The following FLI1 variants were observed in gnomAD, a reference collection of about 807,000 sequenced individuals.
FLI1 encodes Fli-1 proto-oncogene, ETS transcription factor.
In FLI1, 13 loss-of-function variants were observed where a neutral mutation model predicts 53.1. The observed-to-expected ratio is 0.24, with a 90% confidence interval of 0.16 to 0.39. The LOEUF is 0.39. Ranked by LOEUF, FLI1 falls within the 10% of genes least tolerant of loss-of-function variation. The pLI, the probability that FLI1 is intolerant of heterozygous loss-of-function variation, is 1.00. For missense variants in FLI1, 424 were observed against 600.5 expected (o/e 0.71, Z 3.07); for synonymous variants, 244 against 236.7 (o/e 1.03, Z -0.28).
chr11:128,724,247 G>C (rs2135741312), intron 1 of FLI1, among the ~76,000 whole-genome samples: 1 of 152,204 alleles, frequency 6.6e-6, no homozygotes, highest in East Asian at 1.9e-4. Flanking sequence ...GCCTGGCCTG[G>C]AGTTGATTTT....
rs564476686 is a variant in FLI1, at chr11:128,694,307, G to C, written c.18+31G>C. 3.0e-6 allele frequency: 4 copies of C among 1,337,512 alleles called. No homozygotes were observed. The South Asian group carries it at 6.5e-5, about 22-fold the overall frequency. The allele number at this position is 1,337,512 out of a possible 1,614,324, so 82.9% of individuals were successfully genotyped here. A position where few individuals can be genotyped will look rare whatever the true frequency, so the allele number is the denominator to read the frequency against. ...CGGCGGGGCAACGGACGCGGGCGGC[G>C]GGGACCGGCCGGGGAGGCGAAGCGG... On this transcript the variant is annotated intron_variant, in intron 1 of 8. Coordinates refer to ENST00000527786, the MANE Select transcript of FLI1 (RefSeq NM_002017.5).
chr11:128,767,297 C>T (rs186790229), intron 2 of FLI1, among the ~76,000 whole-genome samples: 27 of 152,326 alleles, frequency 1.8e-4, no homozygotes, highest in African/African-American at 6.0e-4. Flanking sequence ...TGCCACAGGG[C>T]CACCACCTCT....
chr11:128,719,604 G>T (rs190921878), intron 1 of FLI1, among the ~76,000 whole-genome samples: 11 of 152,224 alleles, frequency 7.2e-5, no homozygotes, highest in East Asian at 3.9e-4. Context: ...GAAGGGCAAC[G>T]GAGACTTACT....
rs1410339111 is a variant in FLI1, at chr11:128,812,848, A to AGGGAAAATGG, written c.*1860_*1861insGGGAAAATGG. The AGGGAAAATGG allele has an allele frequency of 4.3e-5, 5 of 115,774 alleles. No homozygotes were observed. The highest frequency in any genetic ancestry group is 8.9e-5 in the African/African-American group (3 of 33,664). 7.2% of individuals were successfully genotyped at this position (115,774 alleles called of 1,614,324 possible). On this transcript the variant is annotated 3_prime_UTR_variant, in exon 9 of 9. Transcript: ENST00000527786. ...GACTTTATGGCTCATGCAGATTTTT[A>AGGGAAAATGG]AGGTCATTTTTCTTCCCAAGGAAGA...
At chr11:128,686,156 T>G (rs1297087728), upstream of FLI1, 1 of 358,720 alleles carries the variant, frequency 2.8e-6, no homozygotes, top group African/African-American at 2.1e-5. Context: ...AGCAGGTCTG[T>G]GCACTGAGGG....
intron 1 of FLI1, among the ~76,000 whole-genome samples, chr11:128,687,097 C>A (rs1865818322): frequency 6.6e-6 from 1 of 152,234 alleles, no homozygotes; most frequent in Admixed American, 6.5e-5. Context: ...TGCATGCGTG[C>A]GCCTGTTTGC....
In FLI1 at chr11:128,773,038, C is replaced by A. The variant is rs373345320; in HGVS notation, c.589+53C>A. ...GGGAGGAAGCTTGGCATGGAGCCAA[C>A]CCAGGGAGAGGAAGTCAGTGCTGCC... On this transcript the variant is annotated intron_variant, in intron 4 of 8. Transcript: ENST00000527786. 23 of 1,533,160 alleles carry A rather than the reference C, an allele frequency of 1.5e-5. No homozygotes were observed. In the East Asian group the frequency reaches 4.0e-4, roughly 27 times the overall value. 95.0% of individuals were successfully genotyped at this position (1,533,160 alleles called of 1,614,324 possible).
At chr11:128,712,927 C>G (rs1938848146) in intron 1 of FLI1, among the ~76,000 whole-genome samples, 1 of 152,190 alleles carries the variant, frequency 6.6e-6, no homozygotes, top group African/African-American at 2.4e-5. Flanking sequence ...GTTTTAGAAT[C>G]ACTGTGAGGA....
chr11:128,789,622 G>A (rs1324455204), intron 5 of FLI1, among the ~76,000 whole-genome samples: 1 of 152,234 alleles, frequency 6.6e-6, no homozygotes, highest in Non-Finnish European at 1.5e-5. Flanking sequence ...CTCGCGATAT[G>A]CACTGCCTGT....
intron 1 of FLI1, among the ~76,000 whole-genome samples, chr11:128,713,807 C>G (rs1938893228): frequency 6.6e-6 from 1 of 152,240 alleles, no homozygotes; most frequent in Admixed American, 6.5e-5. Context: ...TGAAAGAGAA[C>G]AGGCCTTCCA....
At chr11:128,706,616 T>C (rs1181048222) in intron 1 of FLI1, among the ~76,000 whole-genome samples, 1 of 152,222 alleles carries the variant, frequency 6.6e-6, no homozygotes, top group African/African-American at 2.4e-5. Flanking sequence ...CAAGTATTCA[T>C]GCCCCCAAAC....
chr11:128,765,766 G>GT (rs1206341880), intron 2 of FLI1, among the ~76,000 whole-genome samples: 1 of 152,202 alleles, frequency 6.6e-6, no homozygotes, highest in East Asian at 1.9e-4. Context: ...GACCATGTGC[G>GT]TGAGTGTGTG....
chr11:128,768,495 G>A (rs369269070), intron 3 of FLI1: 37 of 535,228 alleles, frequency 6.9e-5, no homozygotes, highest in Admixed American at 2.5e-4. Flanking sequence ...CCTAGCCAAC[G>A]TGGTGAAACC....
At chr11:128,733,197 C>G (rs1320964910) in intron 1 of FLI1, among the ~76,000 whole-genome samples, 1 of 151,952 alleles carries the variant, frequency 6.6e-6, no homozygotes, top group African/African-American at 2.4e-5. Context: ...TCACTGAGTA[C>G]CTAACTCAGT....
intron 1 of FLI1, among the ~76,000 whole-genome samples, chr11:128,694,888 C>T (rs1474763294): frequency 6.6e-6 from 1 of 152,174 alleles, no homozygotes; most frequent in African/African-American, 2.4e-5. Context: ...GGCACTCAGT[C>T]GCCCGGCTCT....
chr11:128,713,111 A>C (rs1387090710), intron 1 of FLI1, among the ~76,000 whole-genome samples: 8 of 152,214 alleles, frequency 5.3e-5, no homozygotes, highest in Non-Finnish European at 1.5e-5. Flanking sequence ...TGTTTAAAAC[A>C]AAGATGGGCA....
intron 1 of FLI1, among the ~76,000 whole-genome samples, chr11:128,702,995 G>T (rs1161452649): frequency 6.6e-6 from 1 of 151,610 alleles, no homozygotes. Context: ...AAATCAATAA[G>T]AAAAGACACA....
intron 1 of FLI1, among the ~76,000 whole-genome samples, chr11:128,744,789 G>A (rs144471489): frequency 5.9e-4 from 90 of 152,312 alleles, no homozygotes; most frequent in African/African-American, 2.1e-3. Context: ...GAAAATTATC[G>A]TGGGGAATTC....
Position 128,810,491 on chromosome 11 carries a change from C to A in FLI1, c.862C>A (p.Leu288Met), listed in dbSNP as rs1431024186. The change falls in exon 9 of 9, where the codon CTG becomes ATG. Residue 288 changes from leucine (L) to methionine (M), a missense_variant. Around this residue, in one of 5 missense-constraint regions of FLI1, gnomAD observed 71 missense variants for 174.2 expected, o/e 0.41. Coordinates refer to ENST00000527786, the MANE Select transcript of FLI1 (RefSeq NM_002017.5). This position sits in a 1 kb window ranked among gnomAD's most constrained non-coding sequence, Gnocchi z 6.6. ...SGQIQLWQFL[L>M]ELLSDSANAS... ...GCAGATCCAGCTGTGGCAATTCCTCCTGGAGCTGCTCTCCGACAGCGCCAA... is the reference window on the plus strand; with the variant it reads ...GCAGATCCAGCTGTGGCAATTCCTCATGGAGCTGCTCTCCGACAGCGCCAA... 2 of 1,602,634 alleles carry A rather than the reference C, an allele frequency of 1.2e-6. No homozygotes were observed. Among genetic ancestry groups the A allele is most frequent in the East Asian group, 4.5e-5 (2 of 44,338 alleles).
Sources: gnomAD v4.1 joint callset for allele counts (sites outside exome capture counted in the v4.1 genomes callset) on GRCh38, gnomAD v4.1.1 for gene constraint, gnomAD v4.1.1 regional missense constraint, Gnocchi (gnomAD v3.1) non-coding constraint, MANE v1.5 for transcripts, NCBI Gene and HGNC (gene_info 2026-07-23, HGNC 2026-07-21) for gene names.